TCF4: variants seen among roughly 807,000 people sequenced by gnomAD.
TCF4 encodes transcription factor 4.
TCF4 carries 3 observed loss-of-function variants against 82.1 expected under a neutral mutation model. The observed-to-expected ratio is 0.04, with a 90% CI of 0.02 to 0.09. The LOEUF (loss-of-function observed/expected upper bound fraction) is 0.09. TCF4 is among the 10% of genes least tolerant of loss of function. TCF4 has a pLI of 1.00. For missense variants in TCF4, 518 were observed against 852.7 expected (o/e 0.61, Z 4.89); for synonymous variants, 276 against 309.6 (o/e 0.89, Z 1.14).
At chr18:55,340,063 CG>C (rs1569085188) in intron 8 of TCF4, among the ~76,000 whole-genome samples, 1 of 152,146 alleles carries the variant, frequency 6.6e-6, no homozygotes, top group East Asian at 1.9e-4. Flanking sequence ...TTCAGTTTTG[CG>C]GGGGGATCTA....
intron 5 of TCF4, among the ~76,000 whole-genome samples, chr18:55,455,461 G>C (rs2095726886): frequency 6.7e-6 from 1 of 149,898 alleles, no homozygotes; most frequent in Non-Finnish European, 1.5e-5. Context: ...GAAATTACTT[G>C]TGCCACATTA....
chr18:55,530,604 T>C (rs1177841594), intron 3 of TCF4, among the ~76,000 whole-genome samples: 1 of 148,834 alleles, frequency 6.7e-6, no homozygotes, highest in African/African-American at 2.5e-5. Flanking sequence ...GGTCAGGAGG[T>C]GACTGCTTAG....
chr18:55,477,665 G>A (rs1055397838), intron 3 of TCF4, among the ~76,000 whole-genome samples: 18 of 152,110 alleles, frequency 1.2e-4, no homozygotes, highest in African/African-American at 3.9e-4. Flanking sequence ...GGTCTATGAC[G>A]GAAAAATGGA....
intron 5 of TCF4, among the ~76,000 whole-genome samples, chr18:55,453,127 C>G (rs2144461727): frequency 6.6e-6 from 1 of 152,328 alleles, no homozygotes; most frequent in East Asian, 1.9e-4. Context: ...GCCCCAACCT[C>G]TGCAGCTGGA....
intron 3 of TCF4, among the ~76,000 whole-genome samples, chr18:55,540,999 C>A (rs2097160668): frequency 6.6e-6 from 1 of 151,846 alleles, no homozygotes; most frequent in Non-Finnish European, 1.5e-5. Flanking sequence ...TGTTTGTGCC[C>A]ATGTAAAAAA....
chr18:55,491,724 C>T (rs1316300942), intron 3 of TCF4, among the ~76,000 whole-genome samples: 1 of 152,186 alleles, frequency 6.6e-6, no homozygotes, highest in Non-Finnish European at 1.5e-5. Flanking sequence ...TCCGTTTACA[C>T]CTTGATGTTA....
At chr18:55,469,321 G>T (rs572382956) in intron 3 of TCF4, among the ~76,000 whole-genome samples, 17 of 152,114 alleles carry the variant, frequency 1.1e-4, no homozygotes, top group Admixed American at 3.9e-4. Context: ...AAAATTAGCT[G>T]GGCCTGGTGG....
At chr18:55,438,526 T>C (rs1014327704) in intron 5 of TCF4, among the ~76,000 whole-genome samples, 21 of 152,126 alleles carry the variant, frequency 1.4e-4, no homozygotes, top group African/African-American at 4.1e-4. Context: ...CCCTTCTCCA[T>C]TGGATGAAGT....
At chr18:55,337,022 A>T (rs770538571) in intron 8 of TCF4, among the ~76,000 whole-genome samples, 2 of 152,210 alleles carry the variant, frequency 1.3e-5, no homozygotes, top group Non-Finnish European at 2.9e-5. Flanking sequence ...TTAAAATGTA[A>T]GAAAAATGAA....
chr18:55,292,623 T>C (rs182665824), intron 8 of TCF4, among the ~76,000 whole-genome samples: 1 of 152,164 alleles, frequency 6.6e-6, no homozygotes, highest in Non-Finnish European at 1.5e-5. Flanking sequence ...TTAAAGTAGA[T>C]AGTTCTTTGT....
chr18:55,335,414 C>A (rs1373699381), intron 8 of TCF4, among the ~76,000 whole-genome samples: 1 of 152,106 alleles, frequency 6.6e-6, no homozygotes, highest in Non-Finnish European at 1.5e-5. Context: ...AGGTAGGTGA[C>A]CAGGAGACAT....
chr18:55,515,473 C>T (rs1414531163), intron 3 of TCF4, among the ~76,000 whole-genome samples: 2 of 152,072 alleles, frequency 1.3e-5, no homozygotes, highest in African/African-American at 4.8e-5. Context: ...TGGCATATGC[C>T]CCAGCATACA....
chr18:55,233,950 G>C (rs1234125414), intron 16 of TCF4, among the ~76,000 whole-genome samples: 1 of 151,884 alleles, frequency 6.6e-6, no homozygotes, highest in East Asian at 1.9e-4. Context: ...GTATTCCTGT[G>C]GCAATGTTAT....
intron 5 of TCF4, among the ~76,000 whole-genome samples, chr18:55,428,524 T>C (rs1049461804): frequency 3.3e-5 from 5 of 152,186 alleles, no homozygotes; most frequent in African/African-American, 1.2e-4. Flanking sequence ...ACCAAACTCA[T>C]GATCTTCTCC....
intron 6 of TCF4, among the ~76,000 whole-genome samples, chr18:55,372,723 CTA>C (rs1424899684): frequency 6.6e-6 from 1 of 152,096 alleles, no homozygotes; most frequent in East Asian, 1.9e-4. Context: ...CTAGTAGACT[CTA>C]TGTGACTGTT....
At chr18:55,553,047 T>C (rs981149315) in intron 3 of TCF4, among the ~76,000 whole-genome samples, 3 of 152,190 alleles carry the variant, frequency 2.0e-5, no homozygotes, top group Non-Finnish European at 4.4e-5. Context: ...GTTTCAGGTA[T>C]ATATTCCCAC....
In TCF4 at chr18:55,223,177, CATTA is replaced by C. The variant is rs1201378069; in HGVS notation, c.*4854_*4857del. 1.3e-5 allele frequency: 2 copies of C among 152,186 alleles called. No individual in the cohort carries two copies. Among genetic ancestry groups the C allele is most frequent in the East Asian group, 3.8e-4 (2 of 5,200 alleles). The allele number at this position is 152,186 out of a possible 1,614,324, so 9.4% of individuals were successfully genotyped here. On this transcript the variant is annotated 3_prime_UTR_variant, in exon 20 of 20. Transcript: ENST00000354452. ...ATGCATAGCTTCAGTGTTACACACA[CATTA>C]ATTATATTCCTTCAATTAGTTAATC...
chr18:55,511,568 G>A (rs1201078775), intron 3 of TCF4, among the ~76,000 whole-genome samples: 3 of 151,870 alleles, frequency 2.0e-5, no homozygotes, highest in African/African-American at 7.3e-5. Flanking sequence ...AATTCATTCT[G>A]GAAGTAAATT....
Position 55,477,742 on chromosome 18 carries a change from C to T in TCF4, c.146-13605G>A, listed in dbSNP as rs144903797. On this transcript the variant is annotated intron_variant, in intron 3 of 19. Transcript: ENST00000354452. ...TTTCAGGTTCTATAAAACATGTTCA[C>T]TACTGAAGTAGTGAAAATACATCTG... Among the ~76,000 whole-genome samples the T allele has an allele frequency of 1.4e-4, 21 of 152,316 alleles. No individual in the cohort carries two copies. In the East Asian group the frequency reaches 4.1e-3, roughly 29 times the overall value.
Sources: allele counts gnomAD v4.1 joint callset (sites outside exome capture counted in the v4.1 genomes callset), GRCh38; gene constraint gnomAD v4.1.1; transcripts MANE v1.5; gene names NCBI Gene and HGNC (gene_info 2026-07-23, HGNC 2026-07-21).